SNX4: variants seen among roughly 807,000 people sequenced by gnomAD.
The protein encoded by SNX4 is sorting nexin 4.
In SNX4, 49 loss-of-function variants were observed where a neutral mutation model predicts 70.8. The observed-to-expected ratio is 0.69, with a 90% confidence interval of 0.55 to 0.88. The LOEUF (loss-of-function observed/expected upper bound fraction) is 0.88, where lower values mean the gene tolerates loss of function less well. SNX4 is among the 40% of genes least tolerant of loss of function. The probability of loss-of-function intolerance (pLI) is 0.00; values close to 1 mark genes in which losing one functional copy is unlikely to be tolerated. For synonymous variants in SNX4, 206 were observed against 183.8 expected, an observed-to-expected ratio of 1.12 and a Z score of -0.98; for missense variants, 528 against 544.8, an observed-to-expected ratio of 0.97 and a Z score of 0.31.
chr3:125,456,197 G>C (rs750559992), intron 11 of SNX4, among the ~76,000 whole-genome samples: 15 of 152,118 alleles, frequency 9.9e-5, no homozygotes, highest in Non-Finnish European at 2.1e-4. Flanking sequence ...TTCCTCACAA[G>C]TACTCACTGT....
At chr3:125,468,508 C>A (rs1049789023) in intron 9 of SNX4, among the ~76,000 whole-genome samples, 3 of 151,902 alleles carry the variant, frequency 2.0e-5, no homozygotes, top group African/African-American at 7.3e-5. Flanking sequence ...TGAGACCAGC[C>A]TGGGAAACAC....
intron 1 of SNX4, among the ~76,000 whole-genome samples, chr3:125,515,300 C>T (rs141994083): frequency 6.6e-6 from 1 of 151,572 alleles, no homozygotes; most frequent in East Asian, 1.9e-4. Context: ...TGAAGTGAGC[C>T]GAGATTATGC....
chr3:125,450,767 G>A (rs567121234), intron 13 of SNX4, among the ~76,000 whole-genome samples: 32 of 152,200 alleles, frequency 2.1e-4, no homozygotes, highest in Non-Finnish European at 4.3e-4. Flanking sequence ...TTATGAGGAA[G>A]CATATCATAA....
chr3:125,450,265 A>C lies in SNX4; in HGVS notation c.1305+1040T>G, dbSNP rs1408514334. On this transcript the variant is annotated intron_variant, in intron 13 of 13. Transcript: ENST00000251775. ...CTAAACTTGTTTTAAGTGACTCCAA[A>C]GATCCACGGTATACAGTAACTTATA... 3.3e-5 allele frequency among the ~76,000 whole-genome samples: 5 copies of C among 152,358 alleles called. No individual in the cohort carries two copies. In the East Asian group the frequency reaches 9.6e-4, roughly 29 times the overall value.
intron 2 of SNX4, among the ~76,000 whole-genome samples, chr3:125,501,982 CATT>C (rs1052332593): frequency 6.6e-6 from 1 of 152,160 alleles, no homozygotes; most frequent in Non-Finnish European, 1.5e-5. Flanking sequence ...CAAGTACAAA[CATT>C]ATTAAGTTAT....
chr3:125,504,816 T>A, intron 1 of SNX4, 72 bp from the exon 2 acceptor site: 1 of 1,513,338 alleles, frequency 6.6e-7, no homozygotes, highest in Non-Finnish European at 8.9e-7. Context: ...GCCTCAGCTA[T>A]ATAAATTAAA....
At chr3:125,471,142 C>T (rs966810505) in intron 8 of SNX4, among the ~76,000 whole-genome samples, 25 of 151,912 alleles carry the variant, frequency 1.6e-4, no homozygotes, top group African/African-American at 6.0e-4. Context: ...GTCGGGAGTT[C>T]GAGACCAGCC....
intron 2 of SNX4, among the ~76,000 whole-genome samples, chr3:125,503,059 A>G (rs939352116): frequency 6.6e-6 from 1 of 151,646 alleles, no homozygotes; most frequent in African/African-American, 2.4e-5. Flanking sequence ...AGCTGGGACT[A>G]CCACACCTGG....
intron 2 of SNX4, among the ~76,000 whole-genome samples, chr3:125,503,462 A>G (rs539957956): frequency 1.5e-4 from 23 of 152,086 alleles, no homozygotes; most frequent in African/African-American, 5.5e-4. Flanking sequence ...TTCCTACTCC[A>G]TAATTTGTCT....
chr3:125,498,948 CA>C (rs1272577855), intron 2 of SNX4, among the ~76,000 whole-genome samples: 1 of 152,148 alleles, frequency 6.6e-6, no homozygotes, highest in Admixed American at 6.6e-5. Flanking sequence ...CAAGACACCA[CA>C]AAAACTTCAA....
At chr3:125,497,269 T>C (rs1035728957) in intron 5 of SNX4, 72 bp downstream of exon 5, 1 of 840,394 alleles carries the variant, frequency 1.2e-6, no homozygotes, top group African/African-American at 1.8e-5. Context: ...AAATACCAAG[T>C]TCCCAATGAG....
chr3:125,448,594 T>A (rs1480541206), intron 13 of SNX4, among the ~76,000 whole-genome samples: 1 of 151,916 alleles, frequency 6.6e-6, no homozygotes, highest in Non-Finnish European at 1.5e-5. Context: ...CTTAGCACAG[T>A]TATAGATGGC....
At chr3:125,461,577 A>C (rs965910836) in intron 9 of SNX4, among the ~76,000 whole-genome samples, 1 of 152,228 alleles carries the variant, frequency 6.6e-6, no homozygotes, top group African/African-American at 2.4e-5. Context: ...GGTTGCAATT[A>C]TTTATTATAA....
At chr3:125,479,275 C>T (rs1934352472) in intron 7 of SNX4, among the ~76,000 whole-genome samples, 1 of 152,144 alleles carries the variant, frequency 6.6e-6, no homozygotes, top group African/African-American at 2.4e-5. Context: ...GGATTCTGGC[C>T]AGGCATGGTG....
At chr3:125,463,768 C>T (rs1012825973) in intron 9 of SNX4, among the ~76,000 whole-genome samples, 13 of 152,226 alleles carry the variant, frequency 8.5e-5, no homozygotes, top group African/African-American at 2.9e-4. Flanking sequence ...ATATCCATCA[C>T]CTGACATACT....
rs193090697 is a variant in SNX4, at chr3:125,517,838, T to A, written c.141+2194A>T. Among the ~76,000 whole-genome samples, 339 of 152,078 alleles carry A rather than the reference T, an allele frequency of 2.2e-3. 5 individuals are homozygous for A. The highest frequency in any genetic ancestry group is 1.5e-3 in the Non-Finnish European group (101 of 67,984). On this transcript the variant is annotated intron_variant, in intron 1 of 13. Coordinates refer to ENST00000251775, the MANE Select transcript of SNX4 (RefSeq NM_003794.4). ...TAAAAACACAAAAATTAGCTGGGCA[T>A]GGTGGCACACACCTGTAATCCCAGC...
chr3:125,511,945 A>G (rs1292361821), intron 1 of SNX4, among the ~76,000 whole-genome samples: 1 of 152,216 alleles, frequency 6.6e-6, no homozygotes, highest in Non-Finnish European at 1.5e-5. Context: ...CAAAACGTAC[A>G]GGAAAAATGA....
chr3:125,477,339 C>T (rs529290890), intron 7 of SNX4, among the ~76,000 whole-genome samples: 3 of 152,166 alleles, frequency 2.0e-5, no homozygotes, highest in African/African-American at 7.2e-5. Context: ...AACTCCTAAC[C>T]AACGAACACA....
chr3:125,455,117 C>T (rs1021182944), intron 11 of SNX4, among the ~76,000 whole-genome samples: 3 of 152,004 alleles, frequency 2.0e-5, no homozygotes, highest in African/African-American at 7.2e-5. Flanking sequence ...TTGGTAAAGA[C>T]AGGGTCTAGC....
Sources: allele counts gnomAD v4.1 joint callset (sites outside exome capture counted in the v4.1 genomes callset), GRCh38; gene constraint gnomAD v4.1.1; transcripts MANE v1.5; gene names NCBI Gene and HGNC (gene_info 2026-07-23, HGNC 2026-07-21).